KCNIP4: variants seen among roughly 807,000 people sequenced by gnomAD.
KCNIP4 encodes potassium voltage-gated channel interacting protein 4, also known as Kv channel-interacting protein 4.
KCNIP4 carries 12 observed loss-of-function variants against 34.0 expected under a neutral mutation model. That is an observed-to-expected ratio of 0.35 (90% CI 0.23 to 0.57). KCNIP4 has a LOEUF of 0.57. KCNIP4 is among the 20% of genes least tolerant of loss of function. The probability of loss-of-function intolerance (pLI) is 0.83; values close to 1 mark genes in which losing one functional copy is unlikely to be tolerated. For synonymous variants in KCNIP4, 124 were observed against 102.2 expected (o/e 1.21, Z -1.29); for missense variants, 238 against 311.7 (o/e 0.76, Z 1.78).
Position 21,112,185 on chromosome 4 carries a change from G to A in KCNIP4, c.62-229476C>T, listed in dbSNP as rs144598101. ...CTATCCTTAAGAATGGAACTTGAAA[G>A]GTTAGCATGTACTAGGAAAAATGCA... On this transcript the variant is annotated intron_variant, in intron 1 of 8. Coordinates refer to ENST00000382152, the MANE Select transcript of KCNIP4 (RefSeq NM_025221.6). Among the ~76,000 whole-genome samples, 6 of 152,212 alleles carry A rather than the reference G, an allele frequency of 3.9e-5. No individual in the cohort carries two copies. The East Asian group carries it at 9.7e-4, about 25-fold the overall frequency.
chr4:21,265,743 C>A (rs1761764104), intron 1 of KCNIP4, among the ~76,000 whole-genome samples: 1 of 152,160 alleles, frequency 6.6e-6, no homozygotes, highest in Non-Finnish European at 1.5e-5. Context: ...CCAGTCTTCA[C>A]CTATTTGATG....
chr4:21,934,750 T>C (rs1165292374), intron 1 of KCNIP4, among the ~76,000 whole-genome samples: 1 of 152,098 alleles, frequency 6.6e-6, no homozygotes, highest in East Asian at 1.9e-4. Context: ...GTTCAGAGTA[T>C]AGGCTGTGGA....
chr4:21,931,619 T>C (rs1361461246), intron 1 of KCNIP4, among the ~76,000 whole-genome samples: 1 of 152,006 alleles, frequency 6.6e-6, no homozygotes, highest in Non-Finnish European at 1.5e-5. Context: ...TATGGCTGCA[T>C]AGTATTCAAA....
At chr4:21,406,220 T>A (rs759911293) in intron 1 of KCNIP4, among the ~76,000 whole-genome samples, 12 of 152,298 alleles carry the variant, frequency 7.9e-5, no homozygotes, top group Non-Finnish European at 1.5e-4. Context: ...GCTAAGTAGA[T>A]AATGTGTGGC....
chr4:21,309,978 G>A (rs1262284822), intron 1 of KCNIP4, among the ~76,000 whole-genome samples: 1 of 151,902 alleles, frequency 6.6e-6, no homozygotes, highest in African/African-American at 2.4e-5. Flanking sequence ...CTTTTCATAG[G>A]AAAGGCAATG....
At chr4:21,299,045 T>C (rs1360389035) in intron 1 of KCNIP4, among the ~76,000 whole-genome samples, 1 of 152,118 alleles carries the variant, frequency 6.6e-6, no homozygotes, top group Non-Finnish European at 1.5e-5. Context: ...CAGTGGACTC[T>C]ATAGGTCTAA....
chr4:21,578,295 T>G (rs547583243), intron 1 of KCNIP4, among the ~76,000 whole-genome samples: 2 of 126,522 alleles, frequency 1.6e-5, no homozygotes, highest in African/African-American at 6.2e-5. Context: ...ATTGCGCCAC[T>G]GCACTCCAAC....
At chr4:21,320,712 T>C (rs1714283087) in intron 1 of KCNIP4, among the ~76,000 whole-genome samples, 1 of 152,074 alleles carries the variant, frequency 6.6e-6, no homozygotes, top group Non-Finnish European at 1.5e-5. Context: ...GGCTCATGCC[T>C]GTAATCTCAG....
chr4:21,516,656 A>G (rs1385450607), intron 1 of KCNIP4, among the ~76,000 whole-genome samples: 1 of 152,228 alleles, frequency 6.6e-6, no homozygotes, highest in African/African-American at 2.4e-5. Flanking sequence ...ATCTGTGCAG[A>G]ACCCTGTGGA....
chr4:20,900,435 G>A (rs536905678), intron 1 of KCNIP4, among the ~76,000 whole-genome samples: 1 of 152,284 alleles, frequency 6.6e-6, no homozygotes, highest in South Asian at 2.1e-4. Flanking sequence ...TCACGCACAA[G>A]GCCTAGCATT....
At chr4:21,067,568 C>G (rs1211307080) in intron 1 of KCNIP4, among the ~76,000 whole-genome samples, 2 of 152,132 alleles carry the variant, frequency 1.3e-5, no homozygotes, top group African/African-American at 4.8e-5. Flanking sequence ...ACTCATCACA[C>G]TAAAAGGAAG....
At chr4:21,853,937 T>C (rs1489181915) in intron 1 of KCNIP4, among the ~76,000 whole-genome samples, 2 of 152,206 alleles carry the variant, frequency 1.3e-5, no homozygotes, top group East Asian at 3.9e-4. Flanking sequence ...CATTAAGTGC[T>C]GCTCTGTGCA....
intron 5 of KCNIP4, among the ~76,000 whole-genome samples, chr4:20,739,730 A>G (rs1750595025): frequency 1.3e-5 from 2 of 152,114 alleles, no homozygotes; most frequent in African/African-American, 4.8e-5. Flanking sequence ...ACAAAGCTGG[A>G]TGGAGAATGA....
chr4:21,845,128 TACA>T (rs1723933139), intron 1 of KCNIP4: 1 of 152,140 alleles, frequency 6.6e-6, no homozygotes, highest in East Asian at 1.9e-4. Context: ...TCTGCTTCCT[TACA>T]ACATTTCAAG....
chr4:21,326,697 G>GTT (rs57895140), intron 1 of KCNIP4, among the ~76,000 whole-genome samples: 2 of 150,528 alleles, frequency 1.3e-5, no homozygotes, highest in African/African-American at 2.4e-5. Context: ...TTTTCTGGTT[G>GTT]TTTTTTCGGT....
chr4:20,997,728 T>C (rs1737693299), intron 1 of KCNIP4, among the ~76,000 whole-genome samples: 1 of 152,182 alleles, frequency 6.6e-6, no homozygotes, highest in African/African-American at 2.4e-5. Flanking sequence ...AGGAAGATTC[T>C]GTATGTAGGT....
intron 1 of KCNIP4, among the ~76,000 whole-genome samples, chr4:21,747,053 T>G (rs1336519341): frequency 6.6e-6 from 1 of 152,188 alleles, no homozygotes. Flanking sequence ...AAATTTAGTT[T>G]CAATTCTATT....
chr4:20,899,616 T>G (rs1403909917), intron 1 of KCNIP4, among the ~76,000 whole-genome samples: 7 of 152,198 alleles, frequency 4.6e-5, no homozygotes, highest in Non-Finnish European at 2.9e-5. Flanking sequence ...ACCCTATAAA[T>G]AATCAAGTCT....
At chr4:21,650,182 G>C (rs1306434354) in intron 1 of KCNIP4, among the ~76,000 whole-genome samples, 1 of 152,178 alleles carries the variant, frequency 6.6e-6, no homozygotes, top group Non-Finnish European at 1.5e-5. Flanking sequence ...AAGAAAAGGA[G>C]CATGAAATTT....
Sources: allele counts gnomAD v4.1 joint callset (sites outside exome capture counted in the v4.1 genomes callset), GRCh38; gene constraint gnomAD v4.1.1; transcripts MANE v1.5; gene names NCBI Gene and HGNC (gene_info 2026-07-23, HGNC 2026-07-21).